The following SF1 variants were observed in gnomAD, a reference collection of about 807,000 sequenced individuals.
SF1 encodes the protein branch point-binding protein.
SF1 carries 7 observed loss-of-function variants against 62.5 expected under a neutral mutation model. That is an observed-to-expected ratio of 0.11 (90% CI 0.06 to 0.21). The LOEUF (loss-of-function observed/expected upper bound fraction) is 0.21. Among genes scored for constraint, SF1 ranks in the 10% least tolerant of loss-of-function variants. The pLI is 1.00. For synonymous variants in SF1, 394 were observed against 323.6 expected, an observed-to-expected ratio of 1.22 and a Z score of -2.33; for missense variants, 578 against 884.0, an observed-to-expected ratio of 0.65 and a Z score of 4.39.
intron 4 of SF1, 80 bp from the exon 5 acceptor site, chr11:64,770,133 A>C (rs535731731): frequency 1.3e-6 from 2 of 1,545,912 alleles, no homozygotes; most frequent in Non-Finnish European, 1.8e-6. Flanking sequence ...AAATATTGGT[A>C]CCAAGTGCTA....
In SF1 at chr11:64,769,600, G is replaced by A. The variant is rs563933236; in HGVS notation, c.489C>T (p.Thr163=). 5.0e-6 allele frequency: 8 copies of A among 1,613,646 alleles called. No individual in the cohort carries two copies. Among genetic ancestry groups the A allele is most frequent in the African/African-American group, 1.3e-5 (1 of 74,986 alleles). The change falls in exon 6 of 13, where the codon ACC becomes ACT. Residue 163 remains threonine, a synonymous_variant. Coordinates refer to ENST00000377390, the MANE Select transcript of SF1 (RefSeq NM_004630.4). The part of the protein sequence containing the change: ...VGLLIGPRGN[T]LKNIEKECNA... The stretch of plus-strand genomic sequence containing the variant: ...TGCACTCCTTCTCTATGTTCTTCAG[G>A]GTGTTCCCTCTAGAGAGGCAGAAAT...
At position 64,767,584 on chromosome 11, in the gene SF1, G is replaced by A. The variant is rs775611724; in HGVS notation, c.1329C>T (p.Gly443=). 9.6e-6 allele frequency: 15 copies of A among 1,562,844 alleles called. No individual in the cohort carries two copies. Among genetic ancestry groups the A allele is most frequent in the East Asian group, 4.5e-5 (2 of 44,290 alleles). The part of the protein sequence containing the change: ...NQGPHPPGHH[G]PPPMDQYLGS... ...ACACTTACTTACCCATTGGAGGAGG[G>A]CCATGGTGCCCAGGAGGGTGGGGGC... Residue 443 remains glycine, a synonymous_variant, in exon 10 of 13, where the codon GGC becomes GGT. Coordinates refer to ENST00000377390, the MANE Select transcript of SF1 (RefSeq NM_004630.4).
chr11:64,774,270 T>C (rs1460623820), intron 2 of SF1, among the ~76,000 whole-genome samples: 1 of 152,218 alleles, frequency 6.6e-6, no homozygotes. Context: ...TGTAGAAGAA[T>C]GGAATGTGTG....
In SF1 at chr11:64,765,024, G is replaced by A. The variant is rs760358105; in HGVS notation, c.*794C>T. Reference sequence around the variant, plus strand: ...ACGGATGGGAATCCCGAAACCTGGAGATGAACCTACCCTCGGCAACTTTAC... The same window carrying A: ...ACGGATGGGAATCCCGAAACCTGGAAATGAACCTACCCTCGGCAACTTTAC... On this transcript the variant is annotated 3_prime_UTR_variant, in exon 13 of 13. Transcript: ENST00000377390. 1 of 153,514 alleles carries A rather than the reference G, an allele frequency of 6.5e-6. No individual in the cohort carries two copies. The highest frequency in any genetic ancestry group is 1.5e-5 in the Non-Finnish European group (1 of 68,888). The allele number at this position is 153,514 out of a possible 1,614,324, so 9.5% of individuals were successfully genotyped here.
intron 3 of SF1, chr11:64,773,182 A>G (rs1389292811): frequency 3.0e-6 from 4 of 1,332,190 alleles, no homozygotes; most frequent in Admixed American, 7.4e-5. Flanking sequence ...CTACATGCTT[A>G]CCAATTGGAA....
rs1167749922 is a variant in SF1 at position 64,771,402 on chromosome 11, G to C, written c.237-994C>G. ...AAATTTAGTAGCAGCTGCAAGAAGG[G>C]AAGAGACCATGTGGATCAGGTTATT... On this transcript the variant is annotated intron_variant, in intron 3 of 12. Transcript: ENST00000377390. 6.4e-6 allele frequency: 6 copies of C among 933,932 alleles called. No individual in the cohort carries two copies. The South Asian group carries it at 2.5e-4, about 38-fold the overall frequency. The allele number at this position is 933,932 out of a possible 1,614,324, so 57.9% of individuals were successfully genotyped here. A position where few individuals can be genotyped will look rare whatever the true frequency, so the allele number is the denominator to read the frequency against.
rs780386481 is a variant in SF1 at position 64,765,347 on chromosome 11, G to A, written c.*471C>T. 1.9e-5 allele frequency: 14 copies of A among 754,918 alleles called. No individual in the cohort carries two copies. The highest frequency in any genetic ancestry group is 1.2e-4 in the Admixed American group (5 of 42,608). 46.8% of individuals were successfully genotyped at this position (754,918 alleles called of 1,614,324 possible). ...AGAAAAAAATTAATAAAAATTTCAC[G>A]ATATGGAGCCAGCGTGTTCCGATTC... On this transcript the variant is annotated 3_prime_UTR_variant, in exon 13 of 13. Coordinates refer to ENST00000377390, the MANE Select transcript of SF1 (RefSeq NM_004630.4).
chr11:64,767,788 C>G lies in SF1; in HGVS notation c.1125G>C (p.Glu375Asp), dbSNP rs1005335199. The G allele has an allele frequency of 6.2e-7, 1 of 1,613,860 alleles. No homozygotes were observed. The highest frequency in any genetic ancestry group is 2.2e-5 in the East Asian group (1 of 44,874). ...CATGCATGCCGTGGTAGGGCCGACT[C>G]TCTGAAGGGCCAGAATTCATCCAGG... is the stretch of plus-strand genomic sequence containing the variant. ...RPPWMNSGPS[E>D]SRPYHGMHGG... The change falls in exon 10 of 13, where the codon GAG becomes GAC. Residue 375 changes from glutamate to aspartate, a missense_variant. By Grantham distance (45) the Glu-to-Asp change is conservative. This residue lies in a region of SF1 where 410 missense variants were observed against 452.4 expected (regional missense o/e 0.91). Transcript: ENST00000377390.
chr11:64,772,824 G>A, intron 3 of SF1: 4 of 985,370 alleles, frequency 4.1e-6, no homozygotes, highest in Non-Finnish European at 4.8e-6. Context: ...AGTAATTTAG[G>A]GTTGGTTGCA....
chr11:64,766,344 C>T (rs1297838491), intron 12 of SF1, 189 bp from the exon 13 acceptor site: 12 of 590,404 alleles, frequency 2.0e-5, no homozygotes, highest in Admixed American at 9.1e-5. Flanking sequence ...GGGTCAGCCT[C>T]GAGGTCTCTG....
intron 12 of SF1, 40 bp downstream of exon 12, chr11:64,766,860 C>CA: frequency 1.1e-5 from 7 of 639,294 alleles, no homozygotes; most frequent in East Asian, 3.0e-5. Flanking sequence ...GCCCCACCCC[C>CA]ATCCCACCCA....
intron 4 of SF1, 43 bp from the exon 5 acceptor site, chr11:64,770,096 GAC>G: frequency 1.3e-6 from 2 of 1,584,552 alleles, no homozygotes; most frequent in Non-Finnish European, 1.7e-6. Context: ...TCTGGAGAAT[GAC>G]ACAGCCAGCG....
rs71583704 is a variant in SF1 at position 64,767,727 on chromosome 11, T to C, written c.1186A>G (p.Ser396Gly). 115 of 1,612,910 alleles carry C rather than the reference T, an allele frequency of 7.1e-5. No individual in the cohort carries two copies. In the Middle Eastern group the frequency reaches 1.2e-3, roughly 16 times the overall value. The change falls in exon 10 of 13, where the codon AGC becomes GGC. Residue 396 changes from serine to glycine, a missense_variant. Physicochemically the swap from Ser to Gly is moderately conservative, Grantham distance 56. Around this residue, in one of 7 missense-constraint regions of SF1, gnomAD observed 410 missense variants for 452.4 expected, o/e 0.91. Coordinates refer to ENST00000377390, the MANE Select transcript of SF1 (RefSeq NM_004630.4). ...GPGGPGGGPH[S>G]FPHPLPSLTG... ...AGGCTGGGTAATGGGTGTGGGAAGC[T>C]GTGGGGGCCACCTCCGGGCCCACCA...
At chr11:64,770,725 G>A (rs942466278) in intron 3 of SF1, 1 of 218,842 alleles carries the variant, frequency 4.6e-6, no homozygotes, top group Non-Finnish European at 9.0e-6. Context: ...TCATCCCCTG[G>A]AGTCTTCTTG....
chr11:64,765,259 G>A lies in SF1; in HGVS notation c.*559C>T, dbSNP rs1446281723. On this transcript the variant is annotated 3_prime_UTR_variant, in exon 13 of 13. Transcript: ENST00000377390. ...GAATCTAAATTGCAGCAGAAGACCG[G>A]GGAGAGCATCTCCTTGGACGGAGTC... The A allele has an allele frequency of 1.9e-6, 1 of 527,480 alleles. No individual in the cohort carries two copies. The highest frequency in any genetic ancestry group is 3.4e-6 in the Non-Finnish European group (1 of 292,570). 32.7% of individuals were successfully genotyped at this position (527,480 alleles called of 1,614,324 possible).
intron 1 of SF1, chr11:64,777,903 A>C: frequency 1.1e-6 from 1 of 946,492 alleles, no homozygotes; most frequent in Non-Finnish European, 1.3e-6. Flanking sequence ...TGCCGCGTGC[A>C]GCCGCCGTCG....
chr11:64,776,313 G>A (rs910860546), intron 2 of SF1, 185 bp downstream of exon 2: 4 of 619,298 alleles, frequency 6.5e-6, no homozygotes, highest in African/African-American at 1.9e-5. Context: ...GTTACGAACA[G>A]ACCAAAACAA....
rs760913259 is a variant in SF1, at chr11:64,769,153, T to G, written c.780-24A>C. On this transcript the variant is annotated intron_variant, in intron 7 of 12. Coordinates refer to ENST00000377390, the MANE Select transcript of SF1 (RefSeq NM_004630.4). Reference sequence around the variant, plus strand: ...TCCTATTAAAGGAAAAAGAGGTCAATGCAAGGGAACAATCTCTACTTCCAT... The same window carrying G: ...TCCTATTAAAGGAAAAAGAGGTCAAGGCAAGGGAACAATCTCTACTTCCAT... The G allele has an allele frequency of 1.9e-6, 3 of 1,611,426 alleles. No homozygotes were observed. In the South Asian group the frequency reaches 3.3e-5, roughly 18 times the overall value.
rs2058637024 is a variant in SF1, at chr11:64,766,027, G to T, written c.1711C>A (p.Pro571Thr). The T allele has an allele frequency of 1.2e-6, 2 of 1,609,702 alleles. No individual in the cohort carries two copies. The highest frequency in any genetic ancestry group is 1.3e-5 in the African/African-American group (1 of 74,828). The change falls in exon 13 of 13, where the codon CCC becomes ACC. Residue 571 changes from proline to threonine, a missense_variant. Around this residue, in one of 7 missense-constraint regions of SF1, gnomAD observed 410 missense variants for 452.4 expected, o/e 0.91. Transcript: ENST00000377390. ...GGCGGCAGAGGCGGCTGGACCCCGG[G>T]GGGCAGGGGCACCATAGTGGGGTTG... Reference protein sequence around the residue: ...QGNPTMVPLPPGVQPPLPPGA... With the variant: ...QGNPTMVPLPTGVQPPLPPGA...
Sources: allele counts gnomAD v4.1 joint callset (sites outside exome capture counted in the v4.1 genomes callset), GRCh38; gene constraint gnomAD v4.1.1; regional missense constraint gnomAD v4.1.1; transcripts MANE v1.5; gene names NCBI Gene and HGNC (gene_info 2026-07-23, HGNC 2026-07-21).